Variants in ASTN2 observed in about 807,000 individuals in gnomAD.
ASTN2 encodes astrotactin-2.
A neutral mutation model predicts 139.8 loss-of-function variants in ASTN2; 54 were observed. The ratio of observed to expected loss-of-function variants is 0.39; its 90% CI spans 0.31 to 0.48. The LOEUF is 0.48. Ranked by LOEUF, ASTN2 falls within the 20% of genes least tolerant of loss-of-function variation. The probability of loss-of-function intolerance (pLI) is 0.95; values close to 1 mark genes in which losing one functional copy is unlikely to be tolerated. For missense variants in ASTN2, 1,565 were observed against 1,725.1 expected, an observed-to-expected ratio of 0.91 and a Z score of 1.64; for synonymous variants, 756 against 719.5, an observed-to-expected ratio of 1.05 and a Z score of -0.81.
chr9:117,127,720 G>A (rs187538767), intron 4 of ASTN2, among the ~76,000 whole-genome samples: 5,993 of 109,370 alleles, frequency 0.055, 188 homozygotes, highest in Middle Eastern at 0.19. Context: ...TCACTCTGTT[G>A]CCCAGGCTGG....
chr9:117,140,397 C>A (rs999720506), intron 4 of ASTN2, among the ~76,000 whole-genome samples: 1 of 151,210 alleles, frequency 6.6e-6, no homozygotes, highest in African/African-American at 2.4e-5. Flanking sequence ...AAGTGAGAGG[C>A]AAGAAGAGGA....
intron 10 of ASTN2, among the ~76,000 whole-genome samples, chr9:116,901,830 C>T (rs534621545): frequency 6.6e-6 from 1 of 152,268 alleles, no homozygotes; most frequent in South Asian, 2.1e-4. Flanking sequence ...GAGTTCCAGG[C>T]CAGCCTGGCC....
At chr9:117,128,605 G>A (rs1175410800) in intron 4 of ASTN2, among the ~76,000 whole-genome samples, 1 of 152,136 alleles carries the variant, frequency 6.6e-6, no homozygotes, top group Admixed American at 6.5e-5. Flanking sequence ...GTATCAGAAA[G>A]GGGTTGATGC....
At chr9:117,086,753 C>G (rs1828573920) in intron 5 of ASTN2, among the ~76,000 whole-genome samples, 1 of 152,104 alleles carries the variant, frequency 6.6e-6, no homozygotes, top group Non-Finnish European at 1.5e-5. Flanking sequence ...CTGTAATAAC[C>G]AGATAAACCC....
intron 3 of ASTN2, among the ~76,000 whole-genome samples, chr9:117,167,354 C>G (rs949265239): frequency 3.3e-5 from 5 of 152,044 alleles, no homozygotes; most frequent in Non-Finnish European, 7.4e-5. Flanking sequence ...GAGTCATCTA[C>G]AGTTAAATCA....
chr9:116,818,139 A>G (rs1831388248), intron 12 of ASTN2, among the ~76,000 whole-genome samples: 1 of 152,218 alleles, frequency 6.6e-6, no homozygotes, highest in Non-Finnish European at 1.5e-5. Context: ...AATGTACCCA[A>G]AGCACTTAGA....
intron 19 of ASTN2, among the ~76,000 whole-genome samples, chr9:116,555,647 C>T (rs10115404): frequency 0.015 from 2,294 of 152,158 alleles, 60 homozygotes; most frequent in African/African-American, 0.052. Context: ...GGAGGATATC[C>T]CAGCTCTGGA....
In ASTN2 at chr9:116,632,548, C is replaced by T. The variant is rs531503475; in HGVS notation, c.3073-12105G>A. On this transcript the variant is annotated intron_variant, in intron 17 of 22. Coordinates refer to ENST00000313400, the MANE Select transcript of ASTN2 (RefSeq NM_001365068.1). Reference sequence around the variant, plus strand: ...CCTTTCACAAAGTGATGTCAAACAACCTCTCAGCCTCATATCCCACCGCCA... The same window carrying T: ...CCTTTCACAAAGTGATGTCAAACAATCTCTCAGCCTCATATCCCACCGCCA... 2.0e-5 allele frequency among the ~76,000 whole-genome samples: 3 copies of T among 152,198 alleles called. No homozygotes were observed. The East Asian group carries it at 5.8e-4, about 29-fold the overall frequency.
At chr9:116,788,020 A>G (rs1219283748) in intron 13 of ASTN2, among the ~76,000 whole-genome samples, 1 of 152,160 alleles carries the variant, frequency 6.6e-6, no homozygotes, top group Non-Finnish European at 1.5e-5. Context: ...TTAAAATCCT[A>G]TCTGAACCTG....
chr9:116,787,175 G>A (rs1830399884), intron 13 of ASTN2, among the ~76,000 whole-genome samples: 1 of 152,172 alleles, frequency 6.6e-6, no homozygotes, highest in Admixed American at 6.5e-5. Context: ...GCGGAGCTAA[G>A]GAGATGGACA....
intron 2 of ASTN2, among the ~76,000 whole-genome samples, chr9:117,283,679 G>T (rs1421000662): frequency 4.6e-5 from 7 of 152,106 alleles, no homozygotes; most frequent in Non-Finnish European, 1.0e-4. Context: ...CTAGATGTTT[G>T]CCATCCTCAC....
chr9:116,931,251 T>A (rs1277258582), intron 10 of ASTN2, among the ~76,000 whole-genome samples: 1 of 152,172 alleles, frequency 6.6e-6, no homozygotes, highest in Admixed American at 6.5e-5. Context: ...TATGCTTTCC[T>A]GCCATCGGCC....
rs117529920 is a variant in ASTN2 at position 116,428,700 on chromosome 9, C to T, written c.3783-2612G>A. On this transcript the variant is annotated intron_variant, in intron 22 of 22. Transcript: ENST00000313400. ...TGGTTGTATGCAGTAATGATACAAC[C>T]ACAGGCTCCAGAACACCGACTACTC... Among the ~76,000 whole-genome samples the T allele has an allele frequency of 3.1e-3, 479 of 152,194 alleles. 4 individuals carry two copies. Among genetic ancestry groups the T allele is most frequent in the Non-Finnish European group, 4.6e-3 (312 of 68,026 alleles).
At chr9:116,943,479 T>C (rs1038381307) in intron 10 of ASTN2, among the ~76,000 whole-genome samples, 1 of 152,214 alleles carries the variant, frequency 6.6e-6, no homozygotes, top group African/African-American at 2.4e-5. Flanking sequence ...TTGGTAATGG[T>C]TACACAACTC....
chr9:117,404,436 C>G (rs560070682), intron 1 of ASTN2, among the ~76,000 whole-genome samples: 2 of 152,070 alleles, frequency 1.3e-5, no homozygotes, highest in Non-Finnish European at 2.9e-5. Context: ...TATTTGTCTT[C>G]GCTACATAGA....
intron 10 of ASTN2, among the ~76,000 whole-genome samples, chr9:116,868,799 A>G (rs1833081131): frequency 6.6e-6 from 1 of 152,164 alleles, no homozygotes; most frequent in African/African-American, 2.4e-5. Context: ...AGCCATGCTT[A>G]GCTTTCCTTG....
intron 5 of ASTN2, among the ~76,000 whole-genome samples, chr9:117,041,818 G>T (rs1212550162): frequency 1.3e-5 from 2 of 152,140 alleles, no homozygotes; most frequent in Non-Finnish European, 2.9e-5. Context: ...TAGTGCAGGT[G>T]TTTTTCCTTT....
chr9:116,440,253 T>C (rs565356257), intron 22 of ASTN2, among the ~76,000 whole-genome samples: 1 of 152,286 alleles, frequency 6.6e-6, no homozygotes, highest in South Asian at 2.1e-4. Context: ...GGCCCTGGAT[T>C]ATGGGTCATG....
intron 10 of ASTN2, among the ~76,000 whole-genome samples, chr9:116,941,989 T>TAAA (rs34288493): frequency 2.2e-5 from 3 of 136,108 alleles, no homozygotes; most frequent in African/African-American, 2.8e-5. Flanking sequence ...CTAGATAAGC[T>TAAA]AAAAAAAAAA....
Sources: gnomAD v4.1 joint callset for allele counts (sites outside exome capture counted in the v4.1 genomes callset) on GRCh38, gnomAD v4.1.1 for gene constraint, MANE v1.5 for transcripts, NCBI Gene and HGNC (gene_info 2026-07-23, HGNC 2026-07-21) for gene names.